The following PHLDB1 variants were observed in gnomAD, a reference collection of about 807,000 sequenced individuals.
PHLDB1 encodes pleckstrin homology like domain family B member 1.
In PHLDB1, 65 loss-of-function variants were observed where a neutral mutation model predicts 139.3. The observed-to-expected ratio is 0.47, with a 90% CI of 0.38 to 0.57. The LOEUF is 0.57. Among genes scored for constraint, PHLDB1 ranks in the 20% least tolerant of loss-of-function variants. The pLI, the probability that PHLDB1 is intolerant of heterozygous loss-of-function variation, is 0.00. For synonymous variants in PHLDB1, 679 were observed against 734.5 expected (o/e 0.92, Z 1.22); for missense variants, 1,624 against 1,839.7 (o/e 0.88, Z 2.14).
Position 118,638,963 on chromosome 11 carries a change from G to T in PHLDB1, c.2608G>T (p.Ala870Ser). The change falls in exon 11 of 23, where the codon GCC becomes TCC. Residue 870 changes from alanine (A) to serine (S), a missense_variant. Physicochemically the swap from Ala to Ser is moderately conservative, Grantham distance 99. Coordinates refer to ENST00000600882, the MANE Select transcript of PHLDB1 (RefSeq NM_001144758.3). ...GGCCGTGCAGGAATCAGAACGCCTGGCCCGGGACAAGAATGCCTCCTTACA... is the reference window on the plus strand; with the variant it reads ...GGCCGTGCAGGAATCAGAACGCCTGTCCCGGGACAAGAATGCCTCCTTACA... The part of the protein sequence containing the change: ...AQAVQESERL[A>S]RDKNASLQLL... The T allele has an allele frequency of 6.2e-7, 1 of 1,613,814 alleles. No individual in the cohort carries two copies. The highest frequency in any genetic ancestry group is 8.5e-7 in the Non-Finnish European group (1 of 1,179,884).
chr11:118,647,881 G>T (rs1214027385), intron 17 of PHLDB1, 49 bp from the exon 18 acceptor site: 14 of 1,539,130 alleles, frequency 9.1e-6, no homozygotes, highest in South Asian at 2.4e-5. Flanking sequence ...GAGGGCCAGT[G>T]GGGGGAAGAG....
intron 6 of PHLDB1, chr11:118,630,226 C>T: frequency 2.3e-6 from 1 of 434,024 alleles, no homozygotes. Flanking sequence ...GGCTTCAGGC[C>T]TATAGGTAGG....
intron 4 of PHLDB1, among the ~76,000 whole-genome samples, chr11:118,622,357 A>C (rs1942995124): frequency 6.6e-6 from 1 of 152,202 alleles, no homozygotes. Context: ...TCTGCATGCA[A>C]ATAGAAAGTT....
At chr11:118,639,434 C>G in intron 12 of PHLDB1, 183 bp downstream of exon 12, 1 of 614,140 alleles carries the variant, frequency 1.6e-6, no homozygotes, top group East Asian at 2.8e-5. Flanking sequence ...CCAGCTGCCT[C>G]TGTTTAGTTG....
At chr11:118,646,217 A>C (rs958741934) in intron 17 of PHLDB1, 87 of 137,968 alleles carry the variant, frequency 6.3e-4, no homozygotes, top group African/African-American at 2.4e-3. Context: ...CCGAGATCGC[A>C]CCACTGCACT....
chr11:118,644,173 G>C lies in PHLDB1; in HGVS notation c.3120G>C (p.Lys1040Asn). 1 of 1,608,082 alleles carries C rather than the reference G, an allele frequency of 6.2e-7. No homozygotes were observed. Among genetic ancestry groups the C allele is most frequent in the Non-Finnish European group, 8.5e-7 (1 of 1,177,548 alleles). ...ETKRQLALQQ[K>N]GQQVIEEQRR... ...AGCGCCAACTAGCTCTGCAGCAGAA[G>C]GGTGAGTGACTGCCCCGCCAGCCCA... Residue 1040 changes from lysine to asparagine, a missense_variant and splice_region_variant, in exon 15 of 23, where the codon AAG becomes AAC. Lys to Asn is a moderately conservative substitution (Grantham distance 94, BLOSUM62 0). Coordinates refer to ENST00000600882, the MANE Select transcript of PHLDB1 (RefSeq NM_001144758.3).
chr11:118,632,104 C>T lies in PHLDB1; in HGVS notation c.2241+51C>T. Reference sequence around the variant, plus strand: ...CTCTTCCCTAGGCCAACTGAAGGCCCCAGAGAGGGGCCACAGTCAGCTGCT... The same window carrying T: ...CTCTTCCCTAGGCCAACTGAAGGCCTCAGAGAGGGGCCACAGTCAGCTGCT... On this transcript the variant is annotated intron_variant, in intron 8 of 22. Coordinates refer to ENST00000600882, the MANE Select transcript of PHLDB1 (RefSeq NM_001144758.3). The surrounding 1 kb of genome is among the most constrained non-coding windows in gnomAD (Gnocchi z 5.9). The T allele has an allele frequency of 6.2e-7, 1 of 1,613,738 alleles. No individual in the cohort carries two copies. Among genetic ancestry groups the T allele is most frequent in the Non-Finnish European group, 8.5e-7 (1 of 1,179,748 alleles).
intron 4 of PHLDB1, among the ~76,000 whole-genome samples, chr11:118,623,874 TTGTGTG>T (rs3222268): frequency 0.17 from 24,427 of 141,016 alleles, 2,175 homozygotes; most frequent in East Asian, 0.24. Context: ...CTCTGAACAT[TTGTGTG>T]TGTGTGTGTG....
chr11:118,647,269 A>T (rs897067923), intron 17 of PHLDB1: 1 of 152,264 alleles, frequency 6.6e-6, no homozygotes, highest in Non-Finnish European at 1.5e-5. Flanking sequence ...GAGGATTCAG[A>T]TACAATTGTA....
chr11:118,624,859 C>T (rs932254277), intron 4 of PHLDB1, 75 bp from the exon 5 acceptor site: 1 of 1,510,126 alleles, frequency 6.6e-7, no homozygotes, highest in Non-Finnish European at 9.2e-7. Context: ...ATCCACCCTC[C>T]TCCGCCTCCA....
In PHLDB1 at chr11:118,620,555, G is replaced by C. The variant is rs1555093846; in HGVS notation, c.355+4344G>C. Among the ~76,000 whole-genome samples the C allele has an allele frequency of 6.6e-6, 1 of 151,748 alleles. No individual in the cohort carries two copies. Among genetic ancestry groups the C allele is most frequent in the African/African-American group, 2.4e-5 (1 of 41,036 alleles). On this transcript the variant is annotated intron_variant, in intron 4 of 22. Transcript: ENST00000600882. This position sits in a 1 kb window ranked among gnomAD's most constrained non-coding sequence, Gnocchi z 4.1. ...ACTCAGAATCTCAGCCTGACTTTGC[G>C]GGCTCCAGATATCTGTTTCCCAAGT...
Position 118,650,148 on chromosome 11 carries a change from G to A in PHLDB1, c.3726G>A (p.Ser1242=), listed in dbSNP as rs971675562. 13 of 1,613,962 alleles carry A rather than the reference G, an allele frequency of 8.1e-6. No homozygotes were observed. In the East Asian group the frequency reaches 1.6e-4, roughly 19 times the overall value. ...ACCTGAAGACACATATTGAGTCATC[G>A]GGCCATGGTGTTGATACCTGCCTGC... ...DFDLKTHIES[S]GHGVDTCLHV... is the part of the protein sequence containing the mutation. The change falls in exon 19 of 23, where the codon TCG becomes TCA. Residue 1242 remains serine (S), a synonymous_variant. Coordinates refer to ENST00000600882, the MANE Select transcript of PHLDB1 (RefSeq NM_001144758.3). This position sits in a 1 kb window ranked among gnomAD's most constrained non-coding sequence, Gnocchi z 4.7.
intron 12 of PHLDB1, 149 bp from the exon 13 acceptor site, chr11:118,642,105 T>C: frequency 1.3e-6 from 1 of 753,736 alleles, no homozygotes; most frequent in East Asian, 2.7e-5. Context: ...ATTTCCCTGA[T>C]GTGGCCTTCC....
At chr11:118,655,466 G>A (rs1041007146) in intron 20 of PHLDB1, 139 bp from the exon 21 acceptor site, 5 of 637,598 alleles carry the variant, frequency 7.8e-6, no homozygotes, top group African/African-American at 7.3e-5. Context: ...TCTGTATTGG[G>A]TTCTGTTTGG....
Position 118,644,189 on chromosome 11 carries a change from C to T in PHLDB1, c.3121+15C>T, listed in dbSNP as rs377018710. 22 of 1,580,638 alleles carry T rather than the reference C, an allele frequency of 1.4e-5. No homozygotes were observed. Among genetic ancestry groups the T allele is most frequent in the African/African-American group, 2.7e-5 (2 of 74,190 alleles). ...GCAGCAGAAGGGTGAGTGACTGCCC[C>T]GCCAGCCCACCTGCTCTCCTGAGGG... is the stretch of plus-strand genomic sequence containing the variant. On this transcript the variant is annotated intron_variant, in intron 15 of 22. Coordinates refer to ENST00000600882, the MANE Select transcript of PHLDB1 (RefSeq NM_001144758.3).
At chr11:118,607,977 G>A (rs1969188996) in intron 1 of PHLDB1, among the ~76,000 whole-genome samples, 1 of 152,098 alleles carries the variant, frequency 6.6e-6, no homozygotes, top group South Asian at 2.1e-4. Context: ...CCCCCTTGGA[G>A]AAACTCTGAT....
At chr11:118,629,944 C>T in intron 6 of PHLDB1, 2 of 1,207,004 alleles carry the variant, frequency 1.7e-6, no homozygotes, top group Non-Finnish European at 2.2e-6. Flanking sequence ...CTGCCCCTCC[C>T]ACCTCAACCA....
chr11:118,626,069 C>T (rs1373760048), intron 5 of PHLDB1, among the ~76,000 whole-genome samples: 3 of 152,144 alleles, frequency 2.0e-5, no homozygotes, highest in Admixed American at 2.0e-4. Context: ...ATGGCAAAAG[C>T]AGGCTCTTGC....
At chr11:118,626,916 A>C (rs1591559807) in intron 5 of PHLDB1, 1 of 220,516 alleles carries the variant, frequency 4.5e-6, no homozygotes, top group Non-Finnish European at 8.8e-6. Context: ...TGGCCTCCCC[A>C]AGTGTTGGGA....
Sources: gnomAD v4.1 joint callset for allele counts (sites outside exome capture counted in the v4.1 genomes callset) on GRCh38, gnomAD v4.1.1 for gene constraint, Gnocchi (gnomAD v3.1) non-coding constraint, MANE v1.5 for transcripts, NCBI Gene and HGNC (gene_info 2026-07-23, HGNC 2026-07-21) for gene names.